NUP43: variants seen among roughly 807,000 people sequenced by gnomAD.
The protein encoded by NUP43 is nucleoporin 43, also known as nucleoporin Nup43.
Under a neutral mutation model 47.3 loss-of-function variants are expected in NUP43, and 32 were observed. The observed-to-expected ratio is 0.68, with a 90% CI of 0.51 to 0.91. The LOEUF (loss-of-function observed/expected upper bound fraction) is 0.91, where lower values mean the gene tolerates loss of function less well. NUP43 is among the 40% of genes least tolerant of loss of function. The probability of loss-of-function intolerance (pLI) is 0.00; values close to 1 mark genes in which losing one functional copy is unlikely to be tolerated. For synonymous variants in NUP43, 147 were observed against 158.4 expected (o/e 0.93, Z 0.54); for missense variants, 444 against 453.9 (o/e 0.98, Z 0.20).
In NUP43 at chr6:149,726,872, C is replaced by A. The variant is rs1784810736; in HGVS notation, c.*97G>T. On this transcript the variant is annotated 3_prime_UTR_variant, in exon 8 of 8. Transcript: ENST00000340413. ...TGGTAGTTTACTGATGTTTCCCCTGCAAATCTCGTATTTTCTGATACTAAA... is the reference window on the plus strand; with the variant it reads ...TGGTAGTTTACTGATGTTTCCCCTGAAAATCTCGTATTTTCTGATACTAAA... 1 of 897,806 alleles carries A rather than the reference C, an allele frequency of 1.1e-6. No individual in the cohort carries two copies. The highest frequency in any genetic ancestry group is 1.6e-5 in the South Asian group (1 of 64,104). The allele number at this position is 897,806 out of a possible 1,614,324, so 55.6% of individuals were successfully genotyped here.
chr6:149,741,804 A>T (rs1380473636), intron 4 of NUP43, among the ~76,000 whole-genome samples: 2 of 151,938 alleles, frequency 1.3e-5, no homozygotes, highest in African/African-American at 4.8e-5. Context: ...CGTGCCTGGC[A>T]GTATTTACTT....
chr6:149,731,874 G>C, intron 6 of NUP43, 139 bp from the exon 7 acceptor site: 1 of 814,784 alleles, frequency 1.2e-6, no homozygotes, highest in Non-Finnish European at 1.9e-6. Context: ...AAAATTAAAG[G>C]CTTCAGAATT....
chr6:149,746,329 C>T (rs1785999010), intron 1 of NUP43, 47 bp downstream of exon 1: 4 of 1,603,802 alleles, frequency 2.5e-6, no homozygotes, highest in South Asian at 1.1e-5. Flanking sequence ...GTCAGCTCAA[C>T]CGGAGAGAGG....
In NUP43 at chr6:149,736,964, C is replaced by G. The variant is rs529817226; in HGVS notation, c.639-342G>C. 1.8e-3 allele frequency among the ~76,000 whole-genome samples: 278 copies of G among 152,068 alleles called. 3 individuals carry two copies. The highest frequency in any genetic ancestry group is 2.9e-3 in the Non-Finnish European group (196 of 67,966). On this transcript the variant is annotated intron_variant, in intron 5 of 7. Transcript: ENST00000340413. ...CTGGCCTTCCAAAGTGCTGGGATGA[C>G]TGGTAACCGTGCCCAGCCTGTTTTT...
rs140800369 is a variant in NUP43 at position 149,727,096 on chromosome 6, C to T, written c.1016G>A (p.Arg339Gln). The T allele has an allele frequency of 1.7e-4, 281 of 1,613,982 alleles. No individual in the cohort carries two copies. Among genetic ancestry groups the T allele is most frequent in the Non-Finnish European group, 2.3e-4 (268 of 1,180,018 alleles). Residue 339 changes from arginine (R) to glutamine (Q), a missense_variant, in exon 8 of 8, where the codon CGA becomes CAA. Physicochemically the swap from Arg to Gln is conservative, Grantham distance 43. Transcript: ENST00000340413. The stretch of plus-strand genomic sequence containing the variant: ...GGGAAGTAAGCTTGTGATTTCAATT[C>T]GGTCTTTTGCAGGATCAGTGCTGAG... ...SWLSTDPAKD[R>Q]IEITSLLPSR...
intron 3 of NUP43, 115 bp from the exon 4 acceptor site, chr6:149,742,685 C>T (rs776263574): frequency 3.7e-5 from 26 of 710,110 alleles, no homozygotes; most frequent in Non-Finnish European, 5.6e-5. Context: ...ATAAATCTCT[C>T]CTTTTTCCTT....
At chr6:149,734,815 A>AAG (rs1785238935) in intron 6 of NUP43, among the ~76,000 whole-genome samples, 2 of 151,152 alleles carry the variant, frequency 1.3e-5, no homozygotes, top group Admixed American at 6.6e-5. Flanking sequence ...AAAAAAAAAA[A>AAG]GGATAATCCA....
In NUP43 at chr6:149,746,015, G is replaced by C. The variant is rs762071168; in HGVS notation, c.168C>G (p.Asp56Glu). The C allele has an allele frequency of 1.7e-5, 28 of 1,613,446 alleles. No homozygotes were observed. The highest frequency in any genetic ancestry group is 3.3e-5 in the Admixed American group (2 of 59,966). ...GGTCTCCTTCAAACCCTCCATCAGA[G>C]TCCAAGTTTCCAAAATCTCCAATAG... is the stretch of plus-strand genomic sequence containing the variant. ...LWSIGDFGNL[D>E]SDGGFEGDHQ... is the part of the protein sequence containing the mutation. Residue 56 changes from aspartate (D) to glutamate (E), a missense_variant, in exon 2 of 8, where the codon GAC becomes GAG. Physicochemically the swap from Asp to Glu is conservative, Grantham distance 45 (BLOSUM62 2). Transcript: ENST00000340413.
chr6:149,743,206 A>T (rs190991587), intron 3 of NUP43, among the ~76,000 whole-genome samples: 7 of 151,428 alleles, frequency 4.6e-5, no homozygotes, highest in Admixed American at 3.3e-4. Flanking sequence ...AAAATAAAAT[A>T]AAATAAATAA....
intron 4 of NUP43, among the ~76,000 whole-genome samples, chr6:149,739,530 G>A (rs1161897921): frequency 2.0e-5 from 3 of 151,996 alleles, no homozygotes; most frequent in African/African-American, 7.2e-5. Flanking sequence ...CAGGTGATCC[G>A]CCTCACTCAG....
At chr6:149,749,134 G>A (rs1467523812), upstream of NUP43, among the ~76,000 whole-genome samples, 3 of 151,318 alleles carry the variant, frequency 2.0e-5, no homozygotes, top group Non-Finnish European at 4.4e-5. Context: ...CCCATGTCCT[G>A]GTACTCTTCC....
intron 6 of NUP43, among the ~76,000 whole-genome samples, chr6:149,733,098 A>G (rs889311265): frequency 1.3e-5 from 2 of 151,846 alleles, no homozygotes; most frequent in Non-Finnish European, 2.9e-5. Context: ...AAGTTGTCTT[A>G]TTTTTCAATT....
At chr6:149,746,200 C>T in intron 1 of NUP43, 138 bp from the exon 2 acceptor site, 1 of 1,313,500 alleles carries the variant, frequency 7.6e-7, no homozygotes, top group Non-Finnish European at 1.1e-6. Flanking sequence ...AGATACGAGG[C>T]TCAGGCATGC....
In NUP43 at chr6:149,746,371, G is replaced by A. The variant is rs1437396345; in HGVS notation, c.120+5C>T. On this transcript the variant is annotated splice_donor_5th_base_variant and intron_variant, in intron 1 of 7. Coordinates refer to ENST00000340413, the MANE Select transcript of NUP43 (RefSeq NM_198887.3). Reference sequence around the variant, plus strand: ...GTAGGGGCTCGTCCCTATCAGCGGCGATACCTCATTGTCCCAAGATCCTGT... The same window carrying A: ...GTAGGGGCTCGTCCCTATCAGCGGCAATACCTCATTGTCCCAAGATCCTGT... 6 of 1,613,478 alleles carry A rather than the reference G, an allele frequency of 3.7e-6. No individual in the cohort carries two copies. Among genetic ancestry groups the A allele is most frequent in the Admixed American group, 3.3e-5 (2 of 59,982 alleles).
chr6:149,732,792 C>G (rs1484490588), intron 6 of NUP43, among the ~76,000 whole-genome samples: 1 of 152,122 alleles, frequency 6.6e-6, no homozygotes, highest in Non-Finnish European at 1.5e-5. Flanking sequence ...TTGCAGTGAG[C>G]TGAGATTGCA....
intron 7 of NUP43, chr6:149,727,407 T>C (rs1784839558): frequency 2.0e-6 from 2 of 984,276 alleles, no homozygotes; most frequent in South Asian, 4.7e-5. Context: ...TGGGATAATA[T>C]GGATACCAAA....
intron 7 of NUP43, chr6:149,727,573 C>T (rs1183604241): frequency 8.7e-6 from 8 of 919,634 alleles, no homozygotes; most frequent in Non-Finnish European, 1.0e-5. Context: ...GAAATATAAA[C>T]TCTTGGGTAA....
intron 5 of NUP43, among the ~76,000 whole-genome samples, chr6:149,738,209 A>G (rs1456251290): frequency 1.3e-5 from 2 of 152,168 alleles, no homozygotes; most frequent in African/African-American, 4.8e-5. Flanking sequence ...ATTATTTATC[A>G]TCTTATTTAA....
upstream of NUP43, among the ~76,000 whole-genome samples, chr6:149,748,097 C>T (rs112793088): frequency 1.1e-4 from 17 of 151,872 alleles, no homozygotes; most frequent in South Asian, 2.9e-3. Flanking sequence ...AGGCAGATCA[C>T]GAGGTCAGGA....
Sources: gnomAD v4.1 joint callset for allele counts (sites outside exome capture counted in the v4.1 genomes callset) on GRCh38, gnomAD v4.1.1 for gene constraint, MANE v1.5 for transcripts, NCBI Gene and HGNC (gene_info 2026-07-23, HGNC 2026-07-21) for gene names.